LUM: variants seen among roughly 807,000 people sequenced by gnomAD.
The protein encoded by LUM is lumican, also known as KSPG lumican.
LUM carries 13 observed loss-of-function variants against 20.5 expected under a neutral mutation model. The observed-to-expected ratio is 0.63, with a 90% CI of 0.41 to 1.01. The LOEUF is 1.01. Ranked by LOEUF, LUM falls within the 50% of genes least tolerant of loss-of-function variation. The probability of loss-of-function intolerance (pLI) is 0.00; values close to 1 mark genes in which losing one functional copy is unlikely to be tolerated. For missense variants in LUM, 321 were observed against 391.1 expected, an observed-to-expected ratio of 0.82 and a Z score of 1.51; for synonymous variants, 173 against 151.5, an observed-to-expected ratio of 1.14 and a Z score of -1.04.
At chr12:91,107,851 G>T (rs1448566938) in intron 2 of LUM, among the ~76,000 whole-genome samples, 1 of 151,996 alleles carries the variant, frequency 6.6e-6, no homozygotes, top group African/African-American at 2.4e-5. Context: ...GAGTAGCTGG[G>T]ATTACAGAAG....
In LUM at chr12:91,108,543, T is replaced by C. The variant is rs1239187896; in HGVS notation, c.437A>G (p.His146Arg). ...PKSLEDLQLTHNKITKLGSFE... is the reference protein window; with the variant it reads ...PKSLEDLQLTRNKITKLGSFE... Reference sequence around the variant, plus strand: ...AGAGCCCAGCTTTGTGATCTTGTTATGAGTAAGCTGCAGATCCTCCAGAGA... The same window carrying C: ...AGAGCCCAGCTTTGTGATCTTGTTACGAGTAAGCTGCAGATCCTCCAGAGA... The change falls in exon 2 of 3, where the codon CAT becomes CGT. Residue 146 changes from histidine to arginine, a missense_variant. Physicochemically the swap from His to Arg is conservative, Grantham distance 29 (BLOSUM62 0). Transcript: ENST00000266718. This position sits in a 1 kb window ranked among gnomAD's most constrained non-coding sequence, Gnocchi z 4.2. The C allele has an allele frequency of 6.2e-7, 1 of 1,611,678 alleles. No individual in the cohort carries two copies.
chr12:91,105,144 C>T (rs749343650), intron 2 of LUM, among the ~76,000 whole-genome samples: 4 of 152,112 alleles, frequency 2.6e-5, no homozygotes, highest in Non-Finnish European at 4.4e-5. Context: ...TAAAATAACT[C>T]ATCAGTTAAT....
Position 91,108,842 on chromosome 12 carries a change from G to C in LUM, c.138C>G (p.Ser46Arg). 1.9e-6 allele frequency: 3 copies of C among 1,614,024 alleles called. 1 individual carries two copies. The highest frequency in any genetic ancestry group is 2.2e-5 in the South Asian group (2 of 91,082). The part of the protein sequence containing the change: ...NCAPECNCPE[S>R]YPSAMYCDEL... ...CATCACAGTACATGGCACTTGGGTA[G>C]CTTTCAGGGCAGTTACATTCTGGTG... Residue 46 changes from serine (S) to arginine (R), a missense_variant, in exon 2 of 3, where the codon AGC becomes AGG. Transcript: ENST00000266718. The surrounding 1 kb of genome is among the most constrained non-coding windows in gnomAD (Gnocchi z 4.2).
intron 2 of LUM, among the ~76,000 whole-genome samples, chr12:91,105,266 C>T (rs1236856971): frequency 1.3e-5 from 2 of 152,156 alleles, no homozygotes; most frequent in African/African-American, 2.4e-5. Flanking sequence ...AGGTGGGCAA[C>T]ACTGGAACAC....
intron 2 of LUM, among the ~76,000 whole-genome samples, chr12:91,106,934 G>C (rs942731372): frequency 2.6e-5 from 4 of 151,884 alleles, no homozygotes; most frequent in Non-Finnish European, 5.9e-5. Flanking sequence ...TACTTTGGGA[G>C]GCCAAGGCAG....
rs1880120724 is a variant in LUM, at chr12:91,108,035, G to A, written c.862+83C>T. ...GGCGACATTTTGTTTTTTTAATGGA[G>A]CCAGATGCAATATCTGTGTTGTGCA... On this transcript the variant is annotated intron_variant, in intron 2 of 2. Coordinates refer to ENST00000266718, the MANE Select transcript of LUM (RefSeq NM_002345.4). This position sits in a 1 kb window ranked among gnomAD's most constrained non-coding sequence, Gnocchi z 4.2. 6.8e-7 allele frequency: 1 copy of A among 1,469,588 alleles called. No individual in the cohort carries two copies. The allele number at this position is 1,469,588 out of a possible 1,614,324, so 91.0% of individuals were successfully genotyped here.
chr12:91,107,263 GAAAGAAA>G lies in LUM; in HGVS notation c.862+848_862+854del, dbSNP rs1880077953. 3.8e-4 allele frequency among the ~76,000 whole-genome samples: 32 copies of G among 84,752 alleles called. 1 individual carries two copies. The highest frequency in any genetic ancestry group is 1.6e-3 in the African/African-American group (31 of 18,810). 55.6% of individuals were successfully genotyped at this position (84,752 alleles called of 152,430 possible). A position where few individuals can be genotyped will look rare whatever the true frequency, so the allele number is the denominator to read the frequency against. On this transcript the variant is annotated intron_variant, in intron 2 of 2. Transcript: ENST00000266718. ...GGAAAGAAAGAAAGAAAGAAAGAAA[GAAAGAAA>G]GAAAGAAAGAAAGAAAGAGAAAGAA...
chr12:91,103,037 A>C lies in LUM; in HGVS notation c.*1128T>G, dbSNP rs1879942620. On this transcript the variant is annotated 3_prime_UTR_variant, in exon 3 of 3. Transcript: ENST00000266718. Reference sequence around the variant, plus strand: ...AACAGAAGTTATTTTTATAAATTATATGCAGAGTATTTATCATTGTATAGA... The same window carrying C: ...AACAGAAGTTATTTTTATAAATTATCTGCAGAGTATTTATCATTGTATAGA... 1 of 152,130 alleles carries C rather than the reference A, an allele frequency of 6.6e-6. No individual in the cohort carries two copies. 9.4% of individuals were successfully genotyped at this position (152,130 alleles called of 1,614,324 possible). A position where few individuals can be genotyped will look rare whatever the true frequency, so the allele number is the denominator to read the frequency against.
In LUM at chr12:91,108,269, A is replaced by G; in HGVS notation, c.711T>C (p.Ser237=). The G allele has an allele frequency of 1.2e-6, 2 of 1,614,162 alleles. No individual in the cohort carries two copies. The highest frequency in any genetic ancestry group is 1.7e-6 in the Non-Finnish European group (2 of 1,180,018). ...RFNALQYLRL[S]HNELADSGIP... is the part of the protein sequence containing the mutation. ...TTCCACTATCAGCCAGTTCGTTGTG[A>G]GATAAACGCAGATACTGCAATGCAT... is the stretch of plus-strand genomic sequence containing the variant. Residue 237 remains serine, a synonymous_variant, in exon 2 of 3, where the codon TCT becomes TCC. Coordinates refer to ENST00000266718, the MANE Select transcript of LUM (RefSeq NM_002345.4). The surrounding 1 kb of genome is among the most constrained non-coding windows in gnomAD (Gnocchi z 4.2).
chr12:91,103,760 T>C lies in LUM; in HGVS notation c.*405A>G, dbSNP rs1879963909. On this transcript the variant is annotated 3_prime_UTR_variant, in exon 3 of 3. Coordinates refer to ENST00000266718, the MANE Select transcript of LUM (RefSeq NM_002345.4). Reference sequence around the variant, plus strand: ...GCCTCAATATCTACCACCTATTTTTTAACCAGACAAATTTGAATGTATCAA... The same window carrying C: ...GCCTCAATATCTACCACCTATTTTTCAACCAGACAAATTTGAATGTATCAA... The C allele has an allele frequency of 6.4e-6, 1 of 156,432 alleles. No individual in the cohort carries two copies. The highest frequency in any genetic ancestry group is 6.4e-5 in the Admixed American group (1 of 15,686). 9.7% of individuals were successfully genotyped at this position (156,432 alleles called of 1,614,324 possible).
chr12:91,109,269 C>CTT lies in LUM; in HGVS notation c.-21-270_-21-269insAA, dbSNP rs3071441. ...CCAGCCTAATTGTTCCAGTCAATCTCCAGGCTCTTCCTTAATGAAATGCCT... is the reference window on the plus strand; with the variant it reads ...CCAGCCTAATTGTTCCAGTCAATCTCTTCAGGCTCTTCCTTAATGAAATGCCT... On this transcript the variant is annotated intron_variant, in intron 1 of 2. Coordinates refer to ENST00000266718, the MANE Select transcript of LUM (RefSeq NM_002345.4). Among the ~76,000 whole-genome samples the CTT allele has an allele frequency of 0.96, 146,448 of 152,134 alleles. 70,516 individuals carry two copies. The highest frequency in any genetic ancestry group is 1 in the East Asian group (5,156 of 5,156).
chr12:91,107,287 G>GAGAAAGAAAGAAAGAAAGAA (rs869096187), intron 2 of LUM, among the ~76,000 whole-genome samples: 2 of 61,298 alleles, frequency 3.3e-5, no homozygotes, highest in Admixed American at 1.7e-4. Flanking sequence ...AAGAAAGAAA[G>GAGAAAGAAAGAAAGAAAGAA]AGAAAGAAAG....
chr12:91,104,079 G>T lies in LUM; in HGVS notation c.*86C>A. ...CCCTCAGATTTTAAAATTCATGGAA[G>T]TAATAAACAGTAATAAAATATGGAT... On this transcript the variant is annotated 3_prime_UTR_variant, in exon 3 of 3. Transcript: ENST00000266718. 9.5e-7 allele frequency: 1 copy of T among 1,050,714 alleles called. No homozygotes were observed. Among genetic ancestry groups the T allele is most frequent in the Non-Finnish European group, 1.4e-6 (1 of 695,118 alleles). 65.1% of individuals were successfully genotyped at this position (1,050,714 alleles called of 1,614,324 possible). A position where few individuals can be genotyped will look rare whatever the true frequency, so the allele number is the denominator to read the frequency against.
chr12:91,105,512 C>T (rs1326267857), intron 2 of LUM, among the ~76,000 whole-genome samples: 2 of 151,812 alleles, frequency 1.3e-5, no homozygotes, highest in African/African-American at 4.8e-5. Context: ...CTATATATTC[C>T]CTAATATTAG....
Position 91,102,812 on chromosome 12 carries a change from T to C in LUM, c.*1353A>G, listed in dbSNP as rs1031241523. On this transcript the variant is annotated 3_prime_UTR_variant, in exon 3 of 3. Coordinates refer to ENST00000266718, the MANE Select transcript of LUM (RefSeq NM_002345.4). The stretch of plus-strand genomic sequence containing the variant: ...TATCTGCCAGTCAACTCAGTCTCAA[T>C]GATGATCCTCTGATGAAAGGCCGCT... 4 of 152,214 alleles carry C rather than the reference T, an allele frequency of 2.6e-5. No homozygotes were observed. Among genetic ancestry groups the C allele is most frequent in the Non-Finnish European group, 4.4e-5 (3 of 67,960 alleles). 9.4% of individuals were successfully genotyped at this position (152,214 alleles called of 1,614,324 possible).
rs370112399 is a variant in LUM at position 91,108,818 on chromosome 12, A to G, written c.162T>C (p.Asp54=). The G allele has an allele frequency of 1.4e-5, 22 of 1,614,068 alleles. No individual in the cohort carries two copies. In the African/African-American group the frequency reaches 2.0e-4, roughly 15 times the overall value. Residue 54 remains aspartate, a synonymous_variant, in exon 2 of 3, where the codon GAT becomes GAC. Coordinates refer to ENST00000266718, the MANE Select transcript of LUM (RefSeq NM_002345.4). The surrounding 1 kb of genome is among the most constrained non-coding windows in gnomAD (Gnocchi z 4.2). ...TTGGTACACTTTTCAATTTCAGCTC[A>G]TCACAGTACATGGCACTTGGGTAGC... is the stretch of plus-strand genomic sequence containing the variant. The part of the protein sequence containing the change: ...PESYPSAMYC[D]ELKLKSVPMV...
In LUM at chr12:91,103,481, C is replaced by T. The variant is rs918958897; in HGVS notation, c.*684G>A. The T allele has an allele frequency of 1.3e-5, 2 of 152,020 alleles. No individual in the cohort carries two copies. Among genetic ancestry groups the T allele is most frequent in the African/African-American group, 4.8e-5 (2 of 41,414 alleles). The allele number at this position is 152,020 out of a possible 1,614,324, so 9.4% of individuals were successfully genotyped here. On this transcript the variant is annotated 3_prime_UTR_variant, in exon 3 of 3. Coordinates refer to ENST00000266718, the MANE Select transcript of LUM (RefSeq NM_002345.4). ...GCAGGCCAGAGATATCTTTTGATTT[C>T]TAATCTATTGTTTTATGTATTTTAT...
At chr12:91,110,580 A>C (rs887415520) in intron 1 of LUM, among the ~76,000 whole-genome samples, 1 of 152,200 alleles carries the variant, frequency 6.6e-6, no homozygotes, top group African/African-American at 2.4e-5. Flanking sequence ...AATACTGTAA[A>C]GATTTGTCTT....
chr12:91,105,998 C>T (rs1047657208), intron 2 of LUM, among the ~76,000 whole-genome samples: 1 of 152,166 alleles, frequency 6.6e-6, no homozygotes, highest in African/African-American at 2.4e-5. Context: ...TGAGGAATCA[C>T]ATATGGCCAC....
Sources: allele counts gnomAD v4.1 joint callset (sites outside exome capture counted in the v4.1 genomes callset), GRCh38; gene constraint gnomAD v4.1.1; non-coding constraint Gnocchi (gnomAD v3.1); transcripts MANE v1.5; gene names NCBI Gene and HGNC (gene_info 2026-07-23, HGNC 2026-07-21).